HDGFL2: variants seen among roughly 807,000 people sequenced by gnomAD.
HDGFL2 encodes the protein hepatoma-derived growth factor-related protein 2.
Under a neutral mutation model 77.1 loss-of-function variants are expected in HDGFL2, and 36 were observed. That is an observed-to-expected ratio of 0.47 (90% CI 0.36 to 0.62). The LOEUF is 0.62. Among genes scored for constraint, HDGFL2 ranks in the 20% least tolerant of loss-of-function variants. HDGFL2 has a pLI of 0.00. For missense variants in HDGFL2, 976 were observed against 973.4 expected (o/e 1.00, Z -0.04); for synonymous variants, 463 against 413.1 (o/e 1.12, Z -1.46).
Position 4,498,388 on chromosome 19 carries a change from A to AG in HDGFL2, c.1473+15dup. On this transcript the variant is annotated intron_variant, in intron 12 of 15. Transcript: ENST00000616600. ...AGGTCGACAGCCCGGTAAGACCCTC[A>AG]GGGCCTGTGAGCCAAGCAGTCCCCG... 6.2e-7 allele frequency: 1 copy of AG among 1,606,526 alleles called. No homozygotes were observed.
At chr19:4,479,429 A>G (rs1975155776) in intron 3 of HDGFL2, among the ~76,000 whole-genome samples, 1 of 151,204 alleles carries the variant, frequency 6.6e-6, no homozygotes, top group South Asian at 2.1e-4. Context: ...TAAAAAAAAA[A>G]TACAGAAAGT....
At chr19:4,498,512 G>C in intron 12 of HDGFL2, 136 bp downstream of exon 12, 1 of 718,898 alleles carries the variant, frequency 1.4e-6, no homozygotes, top group Non-Finnish European at 2.4e-6. Flanking sequence ...CCGGTTGCTA[G>C]TGAGCGCATG....
chr19:4,498,927 G>C lies in HDGFL2; in HGVS notation c.1575+12G>C. ...CCACCTTGAAGAAGGTATGGCGGGGGAATCAGAGGCGCAGGGTGCAGTCGG... is the reference window on the plus strand; with the variant it reads ...CCACCTTGAAGAAGGTATGGCGGGGCAATCAGAGGCGCAGGGTGCAGTCGG... On this transcript the variant is annotated intron_variant, in intron 13 of 15. Transcript: ENST00000616600. 1 of 1,574,920 alleles carries C rather than the reference G, an allele frequency of 6.3e-7. No homozygotes were observed. The highest frequency in any genetic ancestry group is 2.3e-5 in the East Asian group (1 of 43,936).
intron 15 of HDGFL2, 55 bp downstream of exon 15, chr19:4,501,372 C>T: frequency 6.5e-7 from 1 of 1,529,346 alleles, no homozygotes; most frequent in Non-Finnish European, 8.8e-7. Flanking sequence ...GTGTGACGCG[C>T]ACCCTGGGTC....
Position 4,475,207 on chromosome 19 carries a change from T to G in HDGFL2, c.73-68T>G, listed in dbSNP as rs901317001. ...CCAGCGTGATTTGCCCCAAGTAACT[T>G]GGCTGATTTCTCGGTGATTTCCTGG... On this transcript the variant is annotated intron_variant, in intron 1 of 15. Coordinates refer to ENST00000616600, the MANE Select transcript of HDGFL2 (RefSeq NM_001001520.3). The G allele has an allele frequency of 9.9e-6, 14 of 1,412,792 alleles. No individual in the cohort carries two copies. In the Admixed American group the frequency reaches 2.1e-4, roughly 21 times the overall value. 87.5% of individuals were successfully genotyped at this position (1,412,792 alleles called of 1,614,324 possible).
intron 1 of HDGFL2, among the ~76,000 whole-genome samples, chr19:4,472,752 C>A (rs1427977037): frequency 1.3e-5 from 2 of 149,398 alleles, no homozygotes; most frequent in African/African-American, 4.9e-5. Context: ...GAGCCGCGTT[C>A]TTGTGGTCTG....
intron 1 of HDGFL2, among the ~76,000 whole-genome samples, chr19:4,472,893 C>T (rs1974981026): frequency 6.8e-6 from 1 of 147,022 alleles, no homozygotes; most frequent in South Asian, 2.2e-4. Flanking sequence ...GAGCCGCGCC[C>T]CGGGGTCTGG....
At position 4,494,418 on chromosome 19, in the gene HDGFL2, G is replaced by A. The variant is rs774897355; in HGVS notation, c.1167G>A (p.Arg389=). Reference sequence around the variant, plus strand: ...TCAAGAAGCGGGGACGCAAGGGCCGGGGCCGGGGTCCCCCGTCCTCCTCTG... The same window carrying A: ...TCAAGAAGCGGGGACGCAAGGGCCGAGGCCGGGGTCCCCCGTCCTCCTCTG... The part of the protein sequence containing the change: ...EPVKKRGRKG[R]GRGPPSSSDS... Residue 389 remains arginine, a synonymous_variant, in exon 9 of 16, where the codon CGG becomes CGA. Coordinates refer to ENST00000616600, the MANE Select transcript of HDGFL2 (RefSeq NM_001001520.3). 3 of 1,408,312 alleles carry A rather than the reference G, an allele frequency of 2.1e-6. No homozygotes were observed. The African/African-American group carries it at 4.6e-5, about 21-fold the overall frequency. The allele number at this position is 1,408,312 out of a possible 1,614,324, so 87.2% of individuals were successfully genotyped here. A position where few individuals can be genotyped will look rare whatever the true frequency, so the allele number is the denominator to read the frequency against.
At chr19:4,497,162 C>T (rs948761605) in intron 10 of HDGFL2, 7 of 450,874 alleles carry the variant, frequency 1.6e-5, no homozygotes, top group Non-Finnish European at 3.1e-5. Flanking sequence ...TGTGAGCCAC[C>T]GTGCCTGGCT....
chr19:4,493,777 G>A lies in HDGFL2; in HGVS notation c.753G>A (p.Ala251=). 2 of 1,543,876 alleles carry A rather than the reference G, an allele frequency of 1.3e-6. No homozygotes were observed. Among genetic ancestry groups the A allele is most frequent in the Admixed American group, 2.0e-5 (1 of 50,602 alleles). ...CCAAGCCTGAGCCGGTGGCCATGGC[G>A]CGGTCGGCGTCCTCCTCCTCCTCTT... ...DGAKPEPVAM[A]RSASSSSSSS... is the part of the protein sequence containing the mutation. Residue 251 remains alanine (A), a synonymous_variant, in exon 7 of 16, where the codon GCG becomes GCA. Coordinates refer to ENST00000616600, the MANE Select transcript of HDGFL2 (RefSeq NM_001001520.3).
chr19:4,485,699 A>G (rs1323545612), intron 3 of HDGFL2, among the ~76,000 whole-genome samples: 3 of 150,872 alleles, frequency 2.0e-5, no homozygotes, highest in African/African-American at 7.3e-5. Flanking sequence ...CCGAGATGGC[A>G]CCACTGCCCT....
chr19:4,482,401 G>T (rs1452411184), intron 3 of HDGFL2, among the ~76,000 whole-genome samples: 1 of 151,892 alleles, frequency 6.6e-6, no homozygotes, highest in Non-Finnish European at 1.5e-5. Flanking sequence ...GTAGAGATGG[G>T]GTTTCACCAT....
At chr19:4,474,713 T>C (rs573358059) in intron 1 of HDGFL2, among the ~76,000 whole-genome samples, 1 of 151,848 alleles carries the variant, frequency 6.6e-6, no homozygotes, top group Non-Finnish European at 1.5e-5. Flanking sequence ...TCCAGCCTGC[T>C]CTCCTAGCCC....
At chr19:4,473,040 G>A (rs1974985670) in intron 1 of HDGFL2, among the ~76,000 whole-genome samples, 1 of 150,514 alleles carries the variant, frequency 6.6e-6, no homozygotes, top group African/African-American at 2.4e-5. Context: ...CTGGGCCCGA[G>A]GGAGTCGCAC....
intron 4 of HDGFL2, among the ~76,000 whole-genome samples, chr19:4,490,448 C>A (rs1599714028): frequency 6.6e-6 from 1 of 152,208 alleles, no homozygotes; most frequent in Admixed American, 6.5e-5. Context: ...GTGTGTTGAT[C>A]CACATGTCGC....
chr19:4,499,649 G>A lies in HDGFL2; in HGVS notation c.1734G>A (p.Glu578=), dbSNP rs1435155382. 2.5e-6 allele frequency: 4 copies of A among 1,581,788 alleles called. No individual in the cohort carries two copies. The highest frequency in any genetic ancestry group is 2.7e-5 in the African/African-American group (2 of 74,414). ...KEKAEEKLAG[E]ELAGEEAPQE... ...AGGCCGAGGAGAAGCTGGCCGGGGA[G>A]GAGCTGGCCGGGGAGGAGGCCCCCC... Residue 578 remains glutamate (E), a synonymous_variant, in exon 14 of 16, where the codon GAG becomes GAA. Coordinates refer to ENST00000616600, the MANE Select transcript of HDGFL2 (RefSeq NM_001001520.3).
At chr19:4,481,572 C>G (rs1371186420) in intron 3 of HDGFL2, among the ~76,000 whole-genome samples, 1 of 151,752 alleles carries the variant, frequency 6.6e-6, no homozygotes, top group Non-Finnish European at 1.5e-5. Flanking sequence ...GTGATCCACC[C>G]AACTCGGCAT....
In HDGFL2 at chr19:4,494,312, G is replaced by A. The variant is rs1568214722; in HGVS notation, c.1061G>A (p.Arg354His). The A allele has an allele frequency of 2.8e-6, 4 of 1,429,154 alleles. No individual in the cohort carries two copies. Among genetic ancestry groups the A allele is most frequent in the Non-Finnish European group, 3.7e-6 (4 of 1,094,982 alleles). The allele number at this position is 1,429,154 out of a possible 1,614,324, so 88.5% of individuals were successfully genotyped here. Residue 354 changes from arginine to histidine, a missense_variant, in exon 9 of 16, where the codon CGC becomes CAC. Physicochemically the swap from Arg to His is conservative, Grantham distance 29 (BLOSUM62 0). This residue lies in a region of HDGFL2 where 567 missense variants were observed against 534.7 expected (regional missense o/e 1.06). Transcript: ENST00000616600. Reference protein sequence around the residue: ...EQEKEEKERRRERADRGEAER... With the variant: ...EQEKEEKERRHERADRGEAER... ...GAGAAGGAGGAGAAGGAGCGGAGGC[G>A]CGAGCGGGCCGACCGCGGGGAGGCT...
At chr19:4,496,451 G>A (rs756986656) in intron 10 of HDGFL2, 46 bp downstream of exon 10, 113 of 1,425,716 alleles carry the variant, frequency 7.9e-5, no homozygotes, top group Middle Eastern at 2.1e-4. Context: ...CCCGCACCCC[G>A]CATCACCCCA....
Sources: allele counts gnomAD v4.1 joint callset (sites outside exome capture counted in the v4.1 genomes callset), GRCh38; gene constraint gnomAD v4.1.1; regional missense constraint gnomAD v4.1.1; transcripts MANE v1.5; gene names NCBI Gene and HGNC (gene_info 2026-07-23, HGNC 2026-07-21).